The following SUGCT variants were observed in gnomAD, a reference collection of about 807,000 sequenced individuals.
SUGCT encodes succinyl-CoA:glutarate-CoA transferase.
In SUGCT, 41 loss-of-function variants were observed where a neutral mutation model predicts 55.0. The ratio of observed to expected loss-of-function variants is 0.74; its 90% CI spans 0.58 to 0.97. The LOEUF is 0.97. SUGCT is among the 50% of genes least tolerant of loss of function. The pLI, the probability that SUGCT is intolerant of heterozygous loss-of-function variation, is 0.00. For missense variants in SUGCT, 568 were observed against 547.8 expected, an observed-to-expected ratio of 1.04 and a Z score of -0.37; for synonymous variants, 187 against 200.4, an observed-to-expected ratio of 0.93 and a Z score of 0.56.
intron 9 of SUGCT, among the ~76,000 whole-genome samples, chr7:40,318,010 A>G (rs1795530386): frequency 6.6e-6 from 1 of 152,124 alleles, no homozygotes; most frequent in African/African-American, 2.4e-5. Context: ...CATTAATGAC[A>G]TTTTGCTTCT....
At chr7:40,243,719 C>T (rs2150901317) in intron 7 of SUGCT, among the ~76,000 whole-genome samples, 1 of 152,224 alleles carries the variant, frequency 6.6e-6, no homozygotes, top group East Asian at 1.9e-4. Flanking sequence ...TTAGATGTTT[C>T]TGTGAGAACT....
chr7:40,455,289 A>G (rs1207278658), intron 10 of SUGCT, among the ~76,000 whole-genome samples: 1 of 152,234 alleles, frequency 6.6e-6, no homozygotes, highest in Non-Finnish European at 1.5e-5. Flanking sequence ...AAAGAATACC[A>G]GAAAGCAAAA....
At chr7:40,881,005 C>T in the SUGCT span, among the ~76,000 whole-genome samples, 1 of 152,228 alleles carries the variant, frequency 6.6e-6, no homozygotes, top group East Asian at 1.9e-4. Context: ...ATGTGTCTCA[C>T]ACCAATGTAG....
chr7:40,578,491 C>G (rs1301150838), intron 12 of SUGCT, among the ~76,000 whole-genome samples: 1 of 152,102 alleles, frequency 6.6e-6, no homozygotes, highest in Non-Finnish European at 1.5e-5. Flanking sequence ...AACCACTGCT[C>G]TAATCACAAG....
intron 1 of SUGCT, among the ~76,000 whole-genome samples, chr7:40,166,435 T>C (rs753321552): frequency 5.9e-5 from 9 of 152,224 alleles, no homozygotes; most frequent in Non-Finnish European, 1.0e-4. Flanking sequence ...TTCCATTACC[T>C]GATATTAAAT....
At chr7:40,469,833 TGGGA>T (rs1790314176) in intron 11 of SUGCT, among the ~76,000 whole-genome samples, 1 of 152,070 alleles carries the variant, frequency 6.6e-6, no homozygotes, top group Non-Finnish European at 1.5e-5. Context: ...ATGATGGTGA[TGGGA>T]GGGAGTCCAG....
intron 9 of SUGCT, among the ~76,000 whole-genome samples, chr7:40,326,693 T>C (rs540911571): frequency 4.6e-5 from 7 of 152,310 alleles, no homozygotes; most frequent in African/African-American, 1.7e-4. Flanking sequence ...CATCACTCAG[T>C]TGTTACAGGG....
chr7:40,892,449 A>G, the SUGCT span, among the ~76,000 whole-genome samples: 2 of 152,226 alleles, frequency 1.3e-5, no homozygotes, highest in African/African-American at 4.8e-5. Flanking sequence ...AAAAATGAAT[A>G]AAGGAACTAT....
intron 9 of SUGCT, among the ~76,000 whole-genome samples, chr7:40,436,166 C>G (rs1788166910): frequency 6.6e-6 from 1 of 152,038 alleles, no homozygotes; most frequent in Non-Finnish European, 1.5e-5. Context: ...TGGTCTCAAA[C>G]TCCTGACCTC....
At chr7:40,482,080 G>A (rs1368423317) in intron 11 of SUGCT, among the ~76,000 whole-genome samples, 1 of 152,092 alleles carries the variant, frequency 6.6e-6, no homozygotes, top group African/African-American at 2.4e-5. Flanking sequence ...ATATTTAAAA[G>A]ATTTCCCTTT....
chr7:40,582,048 A>G (rs1447103705), intron 12 of SUGCT, among the ~76,000 whole-genome samples: 1 of 152,230 alleles, frequency 6.6e-6, no homozygotes, highest in Non-Finnish European at 1.5e-5. Context: ...GAACAGGGAC[A>G]TGCACAATCT....
At chr7:40,439,379 ACTTT>A (rs1788374769) in intron 9 of SUGCT, among the ~76,000 whole-genome samples, 2 of 151,342 alleles carry the variant, frequency 1.3e-5, no homozygotes, top group South Asian at 2.1e-4. Context: ...TATCTTTACC[ACTTT>A]CTTTCTTATG....
At chr7:40,364,700 G>A (rs1020826770) in intron 9 of SUGCT, among the ~76,000 whole-genome samples, 1 of 152,226 alleles carries the variant, frequency 6.6e-6, no homozygotes, top group South Asian at 2.1e-4. Flanking sequence ...AGTCTGATGG[G>A]CTTCCCTTTG....
At chr7:40,881,516 G>A in the SUGCT span, among the ~76,000 whole-genome samples, 1 of 152,210 alleles carries the variant, frequency 6.6e-6, no homozygotes. Flanking sequence ...CTGAGCAACA[G>A]CCACTTTATT....
At chr7:40,454,109 G>T (rs67377442) in intron 10 of SUGCT, among the ~76,000 whole-genome samples, 44,674 of 152,046 alleles carry the variant, frequency 0.29, 8,821 homozygotes, top group African/African-American at 0.56. Context: ...ATCTGAAGAA[G>T]AGAGAGAACA....
chr7:40,939,634 A>G, the SUGCT span, among the ~76,000 whole-genome samples: 1 of 152,054 alleles, frequency 6.6e-6, no homozygotes, highest in South Asian at 2.1e-4. Context: ...GTCCCTGATG[A>G]TTAGTGATAT....
At chr7:40,350,082 C>G (rs1168534313) in intron 9 of SUGCT, among the ~76,000 whole-genome samples, 1 of 151,968 alleles carries the variant, frequency 6.6e-6, no homozygotes, top group Non-Finnish European at 1.5e-5. Context: ...TAGAATATAC[C>G]TAGCAGAAAA....
Position 40,177,462 on chromosome 7 carries a change from T to G in SUGCT, c.101-3485T>G, listed in dbSNP as rs144150191. Among the ~76,000 whole-genome samples, 118 of 152,304 alleles carry G rather than the reference T, an allele frequency of 7.7e-4. 1 individual carries two copies. Among genetic ancestry groups the G allele is most frequent in the African/African-American group, 2.7e-3 (112 of 41,574 alleles). On this transcript the variant is annotated intron_variant, in intron 1 of 13. Coordinates refer to ENST00000335693, the MANE Select transcript of SUGCT (RefSeq NM_001193313.2). Reference sequence around the variant, plus strand: ...GGGAGGGGTTGTCCGATTTCACAAATCATTTTTCCTTGCTAAATTAAACTG... The same window carrying G: ...GGGAGGGGTTGTCCGATTTCACAAAGCATTTTTCCTTGCTAAATTAAACTG...
At chr7:40,581,006 A>G (rs534159553) in intron 12 of SUGCT, among the ~76,000 whole-genome samples, 126 of 152,308 alleles carry the variant, frequency 8.3e-4, no homozygotes, top group African/African-American at 2.7e-3. Context: ...GCAACACATG[A>G]CTGTAATTGT....
Sources: gnomAD v4.1 joint callset for allele counts (sites outside exome capture counted in the v4.1 genomes callset) on GRCh38, gnomAD v4.1.1 for gene constraint, MANE v1.5 for transcripts, NCBI Gene and HGNC (gene_info 2026-07-23, HGNC 2026-07-21) for gene names.